Variants in SLC7A11 observed in about 807,000 individuals in gnomAD.
SLC7A11 encodes the protein solute carrier family 7 member 11.
Under a neutral mutation model 54.5 loss-of-function variants are expected in SLC7A11, and 35 were observed. That is an observed-to-expected ratio of 0.64 (90% CI 0.49 to 0.85). The LOEUF is 0.85. Ranked by LOEUF, SLC7A11 falls within the 40% of genes least tolerant of loss-of-function variation. The pLI is 0.00. For synonymous variants in SLC7A11, 230 were observed against 225.2 expected, an observed-to-expected ratio of 1.02 and a Z score of -0.19; for missense variants, 583 against 618.1, an observed-to-expected ratio of 0.94 and a Z score of 0.60.
chr4:138,236,676 A>G lies in SLC7A11; in HGVS notation c.278-225T>C, dbSNP rs181002252. Among the ~76,000 whole-genome samples the G allele has an allele frequency of 3.9e-5, 6 of 152,290 alleles. No individual in the cohort carries two copies. In the East Asian group the frequency reaches 1.2e-3, roughly 29 times the overall value. ...GAGATTTAGTGTATTCTATTTGAAC[A>G]CTATAATTTTACTTGAAATGACAAA... On this transcript the variant is annotated intron_variant, in intron 1 of 11. Transcript: ENST00000280612.
Position 138,182,282 on chromosome 4 carries a change from G to A in SLC7A11, c.1116+15C>T, listed in dbSNP as rs1736760857. On this transcript the variant is annotated intron_variant, in intron 9 of 11. Coordinates refer to ENST00000280612, the MANE Select transcript of SLC7A11 (RefSeq NM_014331.4). ...TTCAAGGTTATATCTAGATATACTT[G>A]TTAATATGCATTACCAAAACAATAA... 1 of 1,490,650 alleles carries A rather than the reference G, an allele frequency of 6.7e-7. No homozygotes were observed. Among genetic ancestry groups the A allele is most frequent in the Non-Finnish European group, 9.4e-7 (1 of 1,068,028 alleles). 92.3% of individuals were successfully genotyped at this position (1,490,650 alleles called of 1,614,324 possible).
At chr4:138,204,485 T>C (rs1737360260) in intron 6 of SLC7A11, among the ~76,000 whole-genome samples, 1 of 152,062 alleles carries the variant, frequency 6.6e-6, no homozygotes, top group Admixed American at 6.6e-5. Context: ...ATTCTTCTGT[T>C]TTGTATCAAC....
At chr4:138,230,105 T>G (rs1340683699) in intron 3 of SLC7A11, among the ~76,000 whole-genome samples, 6 of 152,178 alleles carry the variant, frequency 3.9e-5, no homozygotes, top group African/African-American at 1.4e-4. Context: ...GATCATGTCT[T>G]CTGCGGGAAC....
intron 4 of SLC7A11, among the ~76,000 whole-genome samples, chr4:138,219,941 C>CTTTTTTTTTTT (rs5862370): frequency 2.1e-5 from 3 of 143,524 alleles, no homozygotes; most frequent in Non-Finnish European, 4.5e-5. Context: ...GCAAGCCTTT[C>CTTTTTTTTTTT]TTTTTTTATT....
At chr4:138,207,511 C>G (rs2148433060) in intron 6 of SLC7A11, among the ~76,000 whole-genome samples, 1 of 152,084 alleles carries the variant, frequency 6.6e-6, no homozygotes, top group African/African-American at 2.4e-5. Flanking sequence ...TCAAGAACAG[C>G]CTGATCAACA....
chr4:138,240,582 T>C (rs893406769), intron 1 of SLC7A11, among the ~76,000 whole-genome samples: 1 of 95,178 alleles, frequency 1.1e-5, no homozygotes, highest in Non-Finnish European at 2.4e-5. Flanking sequence ...AAAAAAAAAA[T>C]GGAATTTGAG....
rs1426172276 is a variant in SLC7A11, at chr4:138,179,249, T to C, written c.1412A>G (p.Asp471Gly). ...VPAYYLFIIWDKKPRWFRIMS... is the reference protein window; with the variant it reads ...VPAYYLFIIWGKKPRWFRIMS... ...TATTCTAAACCACCTGGGTTTCTTG[T>C]CCCATATAATAAAGAGATAATACGC... The change falls in exon 11 of 12, where the codon GAC (aspartate) becomes GGC (glycine). Residue 471 changes from aspartate to glycine, a missense_variant. Asp to Gly is a moderately conservative substitution (Grantham distance 94). Coordinates refer to ENST00000280612, the MANE Select transcript of SLC7A11 (RefSeq NM_014331.4). 1 of 1,611,806 alleles carries C rather than the reference T, an allele frequency of 6.2e-7. No individual in the cohort carries two copies. The highest frequency in any genetic ancestry group is 1.7e-5 in the Admixed American group (1 of 59,910).
At chr4:138,240,669 A>G (rs145412629) in intron 1 of SLC7A11, among the ~76,000 whole-genome samples, 31 of 152,318 alleles carry the variant, frequency 2.0e-4, no homozygotes, top group African/African-American at 7.0e-4. Flanking sequence ...ATTGGTACAC[A>G]TGGGAACAGG....
intron 6 of SLC7A11, among the ~76,000 whole-genome samples, chr4:138,196,223 A>G (rs1353717378): frequency 5.3e-5 from 8 of 152,182 alleles, no homozygotes; most frequent in Admixed American, 3.9e-4. Flanking sequence ...TTAATATCAA[A>G]CACAGCAGCC....
At chr4:138,222,648 T>C (rs1737843209) in intron 4 of SLC7A11, among the ~76,000 whole-genome samples, 1 of 152,220 alleles carries the variant, frequency 6.6e-6, no homozygotes, top group Non-Finnish European at 1.5e-5. Flanking sequence ...TTAAAAATAA[T>C]GTAACAATAA....
intron 6 of SLC7A11, 148 bp downstream of exon 6, chr4:138,214,437 A>G (rs1737630547): frequency 2.7e-6 from 1 of 368,558 alleles, no homozygotes; most frequent in Non-Finnish European, 5.1e-6. Flanking sequence ...AGTCAAATAA[A>G]TCTTATCTAA....
chr4:138,203,648 G>A (rs2148429611), intron 6 of SLC7A11, among the ~76,000 whole-genome samples: 1 of 152,132 alleles, frequency 6.6e-6, no homozygotes, highest in South Asian at 2.1e-4. Context: ...GCAATTAACA[G>A]AGTTACTTGC....
At chr4:138,224,402 C>A (rs1737889282) in intron 3 of SLC7A11, among the ~76,000 whole-genome samples, 1 of 152,044 alleles carries the variant, frequency 6.6e-6, no homozygotes, top group African/African-American at 2.4e-5. Context: ...TCTCCCTAAA[C>A]AAATATTTAA....
rs1274382730 is a variant in SLC7A11, at chr4:138,232,379, A to G, written c.408T>C (p.Pro136=). The part of the protein sequence containing the change: ...RVWVELLIIR[P]AATAVISLAF... ...CCAGGGATATCACAGCAGTAGCTGC[A>G]GGGCTAAAAAAAAATGTATATATTT... is the stretch of plus-strand genomic sequence containing the variant. The change falls in exon 3 of 12, where the codon CCT becomes CCC. Residue 136 remains proline, a synonymous_variant. Transcript: ENST00000280612. 2 of 1,577,732 alleles carry G rather than the reference A, an allele frequency of 1.3e-6. No homozygotes were observed. Among genetic ancestry groups the G allele is most frequent in the Non-Finnish European group, 1.7e-6 (2 of 1,149,296 alleles).
chr4:138,178,317 C>T (rs1184571639), intron 11 of SLC7A11: 1 of 152,018 alleles, frequency 6.6e-6, no homozygotes, highest in Non-Finnish European at 1.5e-5. Context: ...TTAACTCATT[C>T]TTTTTTATGG....
At chr4:138,180,957 T>G (rs1232668916) in intron 9 of SLC7A11, among the ~76,000 whole-genome samples, 167 bp from the exon 10 acceptor site, 2 of 152,164 alleles carry the variant, frequency 1.3e-5, no homozygotes, top group African/African-American at 4.8e-5. Flanking sequence ...TATATTCTGT[T>G]GTCATAATCC....
chr4:138,236,002 G>A (rs866210905), intron 2 of SLC7A11, among the ~76,000 whole-genome samples: 43 of 152,262 alleles, frequency 2.8e-4, no homozygotes, highest in Middle Eastern at 3.4e-3. Context: ...TGGTCAAAAG[G>A]TATCCAGGTG....
At chr4:138,190,241 G>GA (rs34108100) in intron 6 of SLC7A11, among the ~76,000 whole-genome samples, 1 of 151,328 alleles carries the variant, frequency 6.6e-6, no homozygotes, top group Non-Finnish European at 1.5e-5. Context: ...TTGGCATTCA[G>GA]AAAAAAAGAA....
In SLC7A11 at chr4:138,234,574, T is replaced by TA. The variant is rs1553946095; in HGVS notation, c.404+1750dup. Among the ~76,000 whole-genome samples, 155 of 152,204 alleles carry TA rather than the reference T, an allele frequency of 1.0e-3. 2 individuals carry two copies. In the East Asian group the frequency reaches 0.028, roughly 27 times the overall value. ...CACAGAGAAAAGTAGTTTTTTTTTT[T>TA]AAATTAAAGTAACATTTGATTATCC... On this transcript the variant is annotated intron_variant, in intron 2 of 11. Transcript: ENST00000280612.
Sources: allele counts gnomAD v4.1 joint callset (sites outside exome capture counted in the v4.1 genomes callset), GRCh38; gene constraint gnomAD v4.1.1; transcripts MANE v1.5; gene names NCBI Gene and HGNC (gene_info 2026-07-23, HGNC 2026-07-21).